ARHGAP25: variants seen among roughly 807,000 people sequenced by gnomAD.
ARHGAP25 encodes Rho GTPase activating protein 25, also known as rho GTPase-activating protein 25.
A neutral mutation model predicts 71.0 loss-of-function variants in ARHGAP25; 34 were observed. The ratio of observed to expected loss-of-function variants is 0.48; its 90% CI spans 0.36 to 0.64. ARHGAP25 has a LOEUF of 0.64. ARHGAP25 is among the 30% of genes least tolerant of loss of function. The pLI, the probability that ARHGAP25 is intolerant of heterozygous loss-of-function variation, is 0.00. For synonymous variants in ARHGAP25, 282 were observed against 296.5 expected (o/e 0.95, Z 0.50); for missense variants, 706 against 805.1 (o/e 0.88, Z 1.49).
intron 4 of ARHGAP25, among the ~76,000 whole-genome samples, chr2:68,800,176 C>T (rs17035930): frequency 0.023 from 3,432 of 151,394 alleles, 130 homozygotes; most frequent in African/African-American, 0.079. Flanking sequence ...CAGTGCTGAG[C>T]GGGCAGGCAC....
chr2:68,733,645 T>C (rs1389223268), upstream of ARHGAP25, among the ~76,000 whole-genome samples: 1 of 152,066 alleles, frequency 6.6e-6, no homozygotes, highest in East Asian at 1.9e-4. Context: ...TGCATGCAGG[T>C]AGGTGAGCAG....
chr2:68,751,935 C>T (rs926712164), intron 1 of ARHGAP25, among the ~76,000 whole-genome samples: 1 of 152,196 alleles, frequency 6.6e-6, no homozygotes, highest in African/African-American at 2.4e-5. Context: ...TGGCGGCAAA[C>T]TCAGCCAAGT....
chr2:68,765,939 T>C (rs1362021670), intron 1 of ARHGAP25, among the ~76,000 whole-genome samples: 2 of 152,216 alleles, frequency 1.3e-5, no homozygotes, highest in East Asian at 3.8e-4. Context: ...GCTTGTAGCC[T>C]CCTCAAGGGC....
At chr2:68,782,891 T>C (rs1432623295) in intron 3 of ARHGAP25, among the ~76,000 whole-genome samples, 6 of 152,260 alleles carry the variant, frequency 3.9e-5, no homozygotes, top group Non-Finnish European at 7.3e-5. Context: ...CTCCTGGATC[T>C]GCCACACTGA....
intron 1 of ARHGAP25, among the ~76,000 whole-genome samples, chr2:68,745,174 C>A (rs1287287818): frequency 2.0e-5 from 3 of 152,160 alleles, no homozygotes; most frequent in Non-Finnish European, 4.4e-5. Flanking sequence ...GTTTTCTCAT[C>A]TGAAAAATGG....
chr2:68,747,696 C>T (rs1218023033), intron 1 of ARHGAP25, among the ~76,000 whole-genome samples: 1 of 152,172 alleles, frequency 6.6e-6, no homozygotes, highest in East Asian at 1.9e-4. Context: ...ATCCCTCTTC[C>T]CACCCCTCCA....
chr2:68,806,585 C>T (rs78196889), intron 4 of ARHGAP25, among the ~76,000 whole-genome samples: 4,362 of 152,262 alleles, frequency 0.029, 114 homozygotes, highest in East Asian at 0.14. Context: ...GTGTATATAA[C>T]GTGGATACAC....
intron 8 of ARHGAP25, among the ~76,000 whole-genome samples, 157 bp downstream of exon 8, chr2:68,818,151 G>A (rs1189683958): frequency 6.6e-6 from 1 of 152,160 alleles, no homozygotes; most frequent in Non-Finnish European, 1.5e-5. Flanking sequence ...AGGCAGGGCA[G>A]GAATTGTGTC....
chr2:68,780,201 C>A (rs749346043), intron 2 of ARHGAP25, among the ~76,000 whole-genome samples: 1 of 152,226 alleles, frequency 6.6e-6, no homozygotes, highest in Non-Finnish European at 1.5e-5. Flanking sequence ...AGCATAGAGT[C>A]AGACACCTAG....
chr2:68,766,103 G>A (rs1360765059), intron 1 of ARHGAP25, among the ~76,000 whole-genome samples: 1 of 152,196 alleles, frequency 6.6e-6, no homozygotes, highest in African/African-American at 2.4e-5. Flanking sequence ...AGTGACTAGT[G>A]AACCAAAACC....
Position 68,782,317 on chromosome 2 carries a change from C to T in ARHGAP25, c.346C>T (p.Pro116Ser). Residue 116 changes from proline to serine, a missense_variant, in exon 3 of 11, where the codon CCA becomes TCA. Pro to Ser is a moderately conservative substitution (Grantham distance 74). Transcript: ENST00000409202. ...TGGGAAGTTTGTCTTTGAAATCATT[C>T]CAGGTAGGCCACCACAGGTAGGACA... ...EAGKFVFEII[P>S]ASWDQNRMGQ... 1 of 1,613,976 alleles carries T rather than the reference C, an allele frequency of 6.2e-7. No individual in the cohort carries two copies. The highest frequency in any genetic ancestry group is 8.5e-7 in the Non-Finnish European group (1 of 1,179,906).
In ARHGAP25 at chr2:68,718,552, T is replaced by C. The variant is rs539380526; in HGVS notation, c.-18+7854T>C. On this transcript the variant is annotated intron_variant and NMD_transcript_variant, in intron 2 of 7. Coordinates refer to the ARHGAP25 transcript ENST00000463483. ...ATAAGTGTGTGTGTGTGTGTGTGTATGTATAGATAGATAAATAGATAGATA... is the reference window on the plus strand; with the variant it reads ...ATAAGTGTGTGTGTGTGTGTGTGTACGTATAGATAGATAAATAGATAGATA... Among the ~76,000 whole-genome samples the C allele has an allele frequency of 1.3e-4, 20 of 151,998 alleles. No individual in the cohort carries two copies. In the East Asian group the frequency reaches 3.9e-3, roughly 29 times the overall value.
chr2:68,747,278 C>T (rs886950377), intron 1 of ARHGAP25, among the ~76,000 whole-genome samples: 4 of 152,172 alleles, frequency 2.6e-5, no homozygotes, highest in South Asian at 4.1e-4. Flanking sequence ...AAGTCTCCTT[C>T]TCTACCAGAT....
rs370467283 is a variant in ARHGAP25 at position 68,719,972 on chromosome 2, C to T, written c.-18+9274C>T. On this transcript the variant is annotated intron_variant and NMD_transcript_variant, in intron 2 of 7. Transcript: ENST00000463483. ...TCCAGGTTTGTCCAGTGACCTGTCG[C>T]GTTCACTGATCTAAAGTCCATGCTT... Among the ~76,000 whole-genome samples the T allele has an allele frequency of 8.5e-5, 13 of 152,104 alleles. No individual in the cohort carries two copies. In the East Asian group the frequency reaches 9.6e-4, roughly 11 times the overall value.
At chr2:68,788,730 T>G (rs1678940159) in intron 4 of ARHGAP25, among the ~76,000 whole-genome samples, 1 of 152,132 alleles carries the variant, frequency 6.6e-6, no homozygotes. Flanking sequence ...TCCTTCAACT[T>G]TTTAGGAGCA....
At chr2:68,825,378 C>G (rs1682038737) in intron 10 of ARHGAP25, among the ~76,000 whole-genome samples, 1 of 152,086 alleles carries the variant, frequency 6.6e-6, no homozygotes, top group South Asian at 2.1e-4. Flanking sequence ...TAGAACTGGT[C>G]CCTCCTTTCA....
intron 1 of ARHGAP25, among the ~76,000 whole-genome samples, chr2:68,737,155 C>T: frequency 6.6e-6 from 1 of 152,144 alleles, no homozygotes; most frequent in East Asian, 1.9e-4. Context: ...CAGTAGGATG[C>T]ATTTATAAGT....
At chr2:68,793,549 T>C (rs1679337018) in intron 4 of ARHGAP25, among the ~76,000 whole-genome samples, 1 of 152,210 alleles carries the variant, frequency 6.6e-6, no homozygotes, top group Non-Finnish European at 1.5e-5. Flanking sequence ...CTCCAGGGTA[T>C]GTTCTTATAG....
chr2:68,789,284 C>T (rs1678995250), intron 4 of ARHGAP25, among the ~76,000 whole-genome samples: 2 of 152,104 alleles, frequency 1.3e-5, no homozygotes, highest in Non-Finnish European at 1.5e-5. Context: ...GTGATCCACC[C>T]GCCTCGGCCT....
Sources: allele counts gnomAD v4.1 joint callset (sites outside exome capture counted in the v4.1 genomes callset), GRCh38; gene constraint gnomAD v4.1.1; transcripts MANE v1.5; gene names NCBI Gene and HGNC (gene_info 2026-07-23, HGNC 2026-07-21).